ZNF91: variants seen among roughly 807,000 people sequenced by gnomAD.
ZNF91 encodes zinc finger protein 91 (HPF7, HTF10).
ZNF91 carries 7 observed loss-of-function variants against 12.6 expected under a neutral mutation model. That is an observed-to-expected ratio of 0.55 (90% CI 0.31 to 1.04). The LOEUF (loss-of-function observed/expected upper bound fraction) is 1.04, where lower values mean the gene tolerates loss of function less well. ZNF91 is among the 50% of genes least tolerant of loss of function. ZNF91 has a pLI of 0.05. For synonymous variants in ZNF91, 453 were observed against 462.6 expected (o/e 0.98, Z 0.27); for missense variants, 1,217 against 1,385.4 (o/e 0.88, Z 1.93).
upstream of ZNF91, among the ~76,000 whole-genome samples, chr19:23,314,631 A>C (rs1447499500): frequency 3.3e-5 from 5 of 151,832 alleles, no homozygotes; most frequent in Non-Finnish European, 2.9e-5. Context: ...CCCAGCCCCT[A>C]GGTTATTTTT....
Position 23,359,797 on chromosome 19 carries a change from G to A in ZNF91, c.3182C>T (p.Ser1061Leu). Residue 1061 changes from serine to leucine, a missense_variant, in exon 4 of 4, where the codon TCA becomes TTA. Physicochemically the swap from Ser to Leu is moderately radical, Grantham distance 145. Around this residue, in one of 2 missense-constraint regions of ZNF91, gnomAD observed 491 missense variants for 489.8 expected, o/e 1.00. Coordinates refer to ENST00000300619, the MANE Select transcript of ZNF91 (RefSeq NM_003430.4). ...KCEECGKAFI[S>L]SSTLNGHKRI... Reference sequence around the variant, plus strand: ...CTTATGTCCATTTAGGGTTGAGGATGATATAAATGCTTTGCCACATTCTTC... The same window carrying A: ...CTTATGTCCATTTAGGGTTGAGGATAATATAAATGCTTTGCCACATTCTTC... The A allele has an allele frequency of 1.2e-6, 2 of 1,608,692 alleles. No individual in the cohort carries two copies. Among genetic ancestry groups the A allele is most frequent in the Non-Finnish European group, 1.7e-6 (2 of 1,178,444 alleles).
At chr19:23,373,345 CTTATATATAT>C (rs927384791) in intron 3 of ZNF91, among the ~76,000 whole-genome samples, 3 of 84,008 alleles carry the variant, frequency 3.6e-5, no homozygotes, top group Admixed American at 1.7e-4. Context: ...ATCATGTAAT[CTTATATATAT>C]ATATATATAT....
chr19:23,343,242 C>T (rs1179080087), intron 3 of ZNF91, among the ~76,000 whole-genome samples: 2 of 152,128 alleles, frequency 1.3e-5, no homozygotes, highest in African/African-American at 4.8e-5. Context: ...CCAATTTTAA[C>T]GTATATATCA....
rs185203174 is a variant in ZNF91 at position 23,389,737 on chromosome 19, C to G, written c.30+5588G>C. Reference sequence around the variant, plus strand: ...TGGTATCTTTCTTCTGGCACCAAATCTGTAGAGTTTGCTAAACACCAAGCA... The same window carrying G: ...TGGTATCTTTCTTCTGGCACCAAATGTGTAGAGTTTGCTAAACACCAAGCA... On this transcript the variant is annotated intron_variant, in intron 1 of 3. Transcript: ENST00000300619. Among the ~76,000 whole-genome samples, 574 of 152,256 alleles carry G rather than the reference C, an allele frequency of 3.8e-3. 9 individuals are homozygous for G. Among genetic ancestry groups the G allele is most frequent in the African/African-American group, 0.013 (551 of 41,556 alleles).
chr19:23,335,191 G>A (rs1055259188), downstream of ZNF91, among the ~76,000 whole-genome samples: 7 of 152,102 alleles, frequency 4.6e-5, no homozygotes, highest in East Asian at 3.9e-4. Context: ...TGGAAGCTTC[G>A]TCTCAGAGGG....
chr19:23,389,124 C>T (rs1464233012), intron 1 of ZNF91, among the ~76,000 whole-genome samples: 1 of 151,878 alleles, frequency 6.6e-6, no homozygotes, highest in African/African-American at 2.4e-5. Flanking sequence ...TATAACAAAC[C>T]TGCATGTGTA....
intron 3 of ZNF91, among the ~76,000 whole-genome samples, chr19:23,344,343 C>A (rs1330875416): frequency 2.0e-5 from 3 of 152,132 alleles, no homozygotes; most frequent in African/African-American, 7.2e-5. Flanking sequence ...ATCCGCCCGC[C>A]TCGGCCTCCC....
chr19:23,330,516 C>T (rs1967910573), intron 1 of ZNF91, among the ~76,000 whole-genome samples: 1 of 152,102 alleles, frequency 6.6e-6, no homozygotes, highest in African/African-American at 2.4e-5. Context: ...CAGATGTAAC[C>T]TGAACATCCC....
intron 3 of ZNF91, chr19:23,306,688 C>T (rs530539928): frequency 6.6e-6 from 1 of 152,238 alleles, no homozygotes; most frequent in Non-Finnish European, 1.5e-5. Context: ...TCTGTGTCCA[C>T]CAGAGAGGTG....
chr19:23,335,926 G>A (rs295400), downstream of ZNF91, among the ~76,000 whole-genome samples: 15,753 of 152,094 alleles, frequency 0.1, 1,251 homozygotes, highest in East Asian at 0.37. Flanking sequence ...GTAGACTGGA[G>A]CTGTTCCTAT....
At chr19:23,357,237 A>AAACAACAACAAC (rs71163489), downstream of ZNF91, among the ~76,000 whole-genome samples, 1,833 of 151,618 alleles carry the variant, frequency 0.012, 131 homozygotes, top group East Asian at 0.23. Flanking sequence ...AAAAACAAAC[A>AAACAACAACAAC]AACAACAACA....
chr19:23,342,108 GA>G (rs1968137735), intron 3 of ZNF91: 2 of 375,510 alleles, frequency 5.3e-6, no homozygotes, highest in South Asian at 1.8e-4. Context: ...TTTAAGGTCT[GA>G]AATTCTTTCT....
upstream of ZNF91, among the ~76,000 whole-genome samples, chr19:23,312,515 T>A (rs924062551): frequency 6.6e-6 from 1 of 152,206 alleles, no homozygotes; most frequent in African/African-American, 2.4e-5. Flanking sequence ...TTGTTTCTCA[T>A]CATTTTCTCA....
At chr19:23,341,340 C>T (rs1215920169) in intron 3 of ZNF91, among the ~76,000 whole-genome samples, 2 of 152,122 alleles carry the variant, frequency 1.3e-5, no homozygotes, top group South Asian at 2.1e-4. Flanking sequence ...TGAGCTACCA[C>T]GCCTGGCCAG....
intron 3 of ZNF91, among the ~76,000 whole-genome samples, chr19:23,370,909 A>G (rs1453615556): frequency 6.6e-6 from 1 of 152,224 alleles, no homozygotes; most frequent in Non-Finnish European, 1.5e-5. Flanking sequence ...AAAGAATTAT[A>G]AATTTTCTTG....
rs1250629871 is a variant in ZNF91, at chr19:23,362,339, CTTTACA to C, written c.634_639del (p.Cys212_Lys213del). The C allele has an allele frequency of 1.9e-6, 3 of 1,613,248 alleles. No individual in the cohort carries two copies. Among genetic ancestry groups the C allele is most frequent in the Non-Finnish European group, 2.5e-6 (3 of 1,179,732 alleles). On this transcript the variant is annotated inframe_deletion, in exon 4 of 4. Coordinates refer to ENST00000300619, the MANE Select transcript of ZNF91 (RefSeq NM_003430.4). ...GACCAATGAAAGGTTTTTTCACATT[CTTTACA>C]TTTACAGGACTTCTCTGTAATATAA...
At chr19:23,341,660 C>T (rs544202369) in intron 3 of ZNF91, among the ~76,000 whole-genome samples, 1 of 151,994 alleles carries the variant, frequency 6.6e-6, no homozygotes, top group South Asian at 2.1e-4. Context: ...AAGGCAACTG[C>T]AAATGAAAAC....
chr19:23,354,398 A>T (rs1439060480), downstream of ZNF91, among the ~76,000 whole-genome samples: 16 of 152,190 alleles, frequency 1.1e-4, no homozygotes, highest in Admixed American at 1.0e-3. Context: ...CAGAAAAAAA[A>T]ATTGACAATA....
At chr19:23,356,381 C>A (rs567006478), downstream of ZNF91, among the ~76,000 whole-genome samples, 13 of 152,028 alleles carry the variant, frequency 8.6e-5, no homozygotes, top group Non-Finnish European at 1.8e-4. Flanking sequence ...CACATGCACA[C>A]ACACATACAT....
Sources: allele counts gnomAD v4.1 joint callset (sites outside exome capture counted in the v4.1 genomes callset), GRCh38; gene constraint gnomAD v4.1.1; regional missense constraint gnomAD v4.1.1; transcripts MANE v1.5; gene names NCBI Gene and HGNC (gene_info 2026-07-23, HGNC 2026-07-21).